LMNTD1: variants seen among roughly 807,000 people sequenced by gnomAD.
The protein encoded by LMNTD1 is lamin tail domain containing 1.
In LMNTD1, 35 loss-of-function variants were observed where a neutral mutation model predicts 50.9. The observed-to-expected ratio is 0.69, with a 90% CI of 0.53 to 0.91. The LOEUF (loss-of-function observed/expected upper bound fraction) is 0.91, where lower values mean the gene tolerates loss of function less well. LMNTD1 is among the 40% of genes least tolerant of loss of function. LMNTD1 has a pLI of 0.00. For synonymous variants in LMNTD1, 153 were observed against 161.9 expected (o/e 0.94, Z 0.42); for missense variants, 470 against 475.5 (o/e 0.99, Z 0.11).
chr12:25,549,223 G>T, intron 3 of LMNTD1, 103 bp downstream of exon 3: 1 of 610,648 alleles, frequency 1.6e-6, no homozygotes. Flanking sequence ...CATTTTGGGG[G>T]AGTAATAATA....
At chr12:25,635,263 A>AG (rs1946807839) in intron 1 of LMNTD1, among the ~76,000 whole-genome samples, 1 of 151,422 alleles carries the variant, frequency 6.6e-6, no homozygotes, top group Non-Finnish European at 1.5e-5. Context: ...AAAAAAAAAA[A>AG]AAAGAATTCA....
At chr12:25,483,295 G>A (rs6487488) in intron 9 of LMNTD1, among the ~76,000 whole-genome samples, 30,527 of 151,444 alleles carry the variant, frequency 0.2, 3,495 homozygotes, top group African/African-American at 0.27. Flanking sequence ...GTGGTTGTGC[G>A]CACCTTTAGT....
At chr12:25,612,328 A>ACACACG (rs34069424) in intron 1 of LMNTD1, among the ~76,000 whole-genome samples, 7,062 of 146,442 alleles carry the variant, frequency 0.048, 404 homozygotes, top group African/African-American at 0.12. Flanking sequence ...ACACACACAC[A>ACACACG]CGCGCTCCCA....
chr12:25,527,434 T>G (rs1193805449), intron 4 of LMNTD1, among the ~76,000 whole-genome samples: 1 of 151,280 alleles, frequency 6.6e-6, no homozygotes, highest in African/African-American at 2.4e-5. Flanking sequence ...ACCTTTTAAC[T>G]TGCATTGAGA....
chr12:25,609,785 G>C (rs942281551), intron 1 of LMNTD1, among the ~76,000 whole-genome samples: 2 of 152,206 alleles, frequency 1.3e-5, no homozygotes, highest in Non-Finnish European at 2.9e-5. Flanking sequence ...TCCAAGTTAG[G>C]CTACACGGGG....
chr12:25,591,385 T>G (rs1208064151), intron 1 of LMNTD1, among the ~76,000 whole-genome samples: 5 of 152,182 alleles, frequency 3.3e-5, no homozygotes, highest in Non-Finnish European at 7.4e-5. Context: ...CATGTGGGCC[T>G]GTGGTGGTGG....
At chr12:25,480,541 C>T (rs1591814261) in intron 9 of LMNTD1, among the ~76,000 whole-genome samples, 1 of 152,282 alleles carries the variant, frequency 6.6e-6, no homozygotes, top group East Asian at 1.9e-4. Flanking sequence ...TAGACCTGGG[C>T]TTTTCTGTCT....
chr12:25,580,212 A>C (rs928469763), intron 1 of LMNTD1, among the ~76,000 whole-genome samples: 2 of 152,014 alleles, frequency 1.3e-5, no homozygotes, highest in Non-Finnish European at 2.9e-5. Flanking sequence ...CATCATCTCT[A>C]TTTTGTAGTT....
At chr12:25,540,979 G>T (rs11048098) in intron 4 of LMNTD1, among the ~76,000 whole-genome samples, 6,243 of 137,084 alleles carry the variant, frequency 0.046, 230 homozygotes, top group Middle Eastern at 0.072. Context: ...ATTCACAATT[G>T]CTTCAAAGAG....
At chr12:25,539,468 A>C (rs1942882706) in intron 4 of LMNTD1, among the ~76,000 whole-genome samples, 1 of 150,468 alleles carries the variant, frequency 6.6e-6, no homozygotes, top group South Asian at 2.1e-4. Flanking sequence ...CTGCTCCTGA[A>C]TGACTACTGG....
intron 6 of LMNTD1, among the ~76,000 whole-genome samples, chr12:25,522,589 C>T (rs960000214): frequency 6.6e-6 from 1 of 152,094 alleles, no homozygotes; most frequent in African/African-American, 2.4e-5. Context: ...GATACTGAAA[C>T]ATTACTGAGA....
At chr12:25,508,860 G>A (rs551793263) in intron 8 of LMNTD1, among the ~76,000 whole-genome samples, 16 of 152,100 alleles carry the variant, frequency 1.1e-4, no homozygotes, top group Non-Finnish European at 1.9e-4. Flanking sequence ...AATATCATTC[G>A]TCAGATTAAG....
intron 9 of LMNTD1, among the ~76,000 whole-genome samples, chr12:25,498,908 T>G (rs1352686197): frequency 6.6e-6 from 1 of 152,174 alleles, no homozygotes; most frequent in South Asian, 2.1e-4. Flanking sequence ...TTAATGGCAA[T>G]GCCTGGTGAA....
chr12:25,491,922 A>C (rs1938895618), intron 9 of LMNTD1, among the ~76,000 whole-genome samples: 2 of 152,162 alleles, frequency 1.3e-5, no homozygotes, highest in Non-Finnish European at 2.9e-5. Flanking sequence ...ACATTTAGGG[A>C]GTTGATAATT....
chr12:25,617,763 A>G lies in LMNTD1; in HGVS notation c.58+30731T>C, dbSNP rs181937124. ...ACTCTATCAATTGCAATGCCACGTG[A>G]TACACAGGTAAATAATATTAATCTT... On this transcript the variant is annotated intron_variant, in intron 1 of 7. Transcript: ENST00000445693. Among the ~76,000 whole-genome samples the G allele has an allele frequency of 1.3e-4, 20 of 152,330 alleles. No homozygotes were observed. In the East Asian group the frequency reaches 2.5e-3, roughly 19 times the overall value.
chr12:25,607,553 C>A (rs1946142201), intron 1 of LMNTD1, among the ~76,000 whole-genome samples: 1 of 152,150 alleles, frequency 6.6e-6, no homozygotes, highest in Non-Finnish European at 1.5e-5. Flanking sequence ...TCATTGGTTT[C>A]AAAGAACATC....
At position 25,634,040 on chromosome 12, in the gene LMNTD1, G is replaced by T. The variant is rs117635083; in HGVS notation, c.58+14454C>A. Among the ~76,000 whole-genome samples, 96 of 152,190 alleles carry T rather than the reference G, an allele frequency of 6.3e-4. No homozygotes were observed. The East Asian group carries it at 0.017, about 27-fold the overall frequency. On this transcript the variant is annotated intron_variant, in intron 1 of 7. Coordinates refer to the LMNTD1 transcript ENST00000445693. ...ACAGAAATACGAAAGATCATTCAAG[G>T]CTGCTATGAACACCTTCATGCACAT...
In LMNTD1 at chr12:25,642,246, T is replaced by C. The variant is rs116941158; in HGVS notation, c.58+6248A>G. Among the ~76,000 whole-genome samples, 1,439 of 152,336 alleles carry C rather than the reference T, an allele frequency of 9.4e-3. 14 individuals carry two copies. Among genetic ancestry groups the C allele is most frequent in the Middle Eastern group, 0.017 (5 of 294 alleles). On this transcript the variant is annotated intron_variant, in intron 1 of 7. Coordinates refer to the LMNTD1 transcript ENST00000445693. ...CCCCAAAATTCATCTGTTGAAGCTCTAATCACCACTGTGAGGGTATCTGAA... is the reference window on the plus strand; with the variant it reads ...CCCCAAAATTCATCTGTTGAAGCTCCAATCACCACTGTGAGGGTATCTGAA...
intron 1 of LMNTD1, among the ~76,000 whole-genome samples, chr12:25,647,060 G>A (rs1304880188): frequency 6.6e-6 from 1 of 152,172 alleles, no homozygotes; most frequent in African/African-American, 2.4e-5. Context: ...TTCTTCTGGT[G>A]ACTTCTCAAA....
Sources: allele counts gnomAD v4.1 joint callset (sites outside exome capture counted in the v4.1 genomes callset), GRCh38; gene constraint gnomAD v4.1.1; transcripts MANE v1.5; gene names NCBI Gene and HGNC (gene_info 2026-07-23, HGNC 2026-07-21).